Variants in PDGFD observed in about 807,000 individuals in gnomAD.
PDGFD encodes platelet derived growth factor D.
In PDGFD, 30 loss-of-function variants were observed where a neutral mutation model predicts 44.7. The observed-to-expected ratio is 0.67, with a 90% CI of 0.50 to 0.91. The LOEUF (loss-of-function observed/expected upper bound fraction) is 0.91. Among genes scored for constraint, PDGFD ranks in the 40% least tolerant of loss-of-function variants. The probability of loss-of-function intolerance (pLI) is 0.00; values close to 1 mark genes in which losing one functional copy is unlikely to be tolerated. For missense variants in PDGFD, 445 were observed against 457.8 expected (o/e 0.97, Z 0.25); for synonymous variants, 173 against 168.4 (o/e 1.03, Z -0.21).
At chr11:103,947,533 A>C (rs1467491699) in intron 4 of PDGFD, 129 bp downstream of exon 4, 1 of 705,090 alleles carries the variant, frequency 1.4e-6, no homozygotes, top group Non-Finnish European at 2.6e-6. Context: ...GAAATGGAGA[A>C]ACACATCCTG....
chr11:104,076,424 G>C (rs1002536981), intron 1 of PDGFD, among the ~76,000 whole-genome samples: 1 of 152,170 alleles, frequency 6.6e-6, no homozygotes, highest in Non-Finnish European at 1.5e-5. Flanking sequence ...TTAGAGGACA[G>C]AGTAGTGTTT....
intron 6 of PDGFD, among the ~76,000 whole-genome samples, chr11:103,919,065 A>G (rs513962): frequency 0.87 from 131,774 of 152,174 alleles, 57,363 homozygotes; most frequent in East Asian, 1. Context: ...GGCAACCAGC[A>G]TTTCTTAACA....
At chr11:103,987,515 C>G (rs946827937) in intron 3 of PDGFD, among the ~76,000 whole-genome samples, 6 of 152,144 alleles carry the variant, frequency 3.9e-5, no homozygotes, top group Non-Finnish European at 7.3e-5. Flanking sequence ...ACCTTGAGCC[C>G]TCCCAAGCAT....
At chr11:103,934,441 C>T (rs922163100) in intron 5 of PDGFD, among the ~76,000 whole-genome samples, 2 of 152,182 alleles carry the variant, frequency 1.3e-5, no homozygotes, top group Non-Finnish European at 2.9e-5. Flanking sequence ...GATCAGGTGT[C>T]TTCAGTTTGA....
intron 5 of PDGFD, among the ~76,000 whole-genome samples, chr11:103,931,364 T>C (rs779535037): frequency 6.6e-6 from 1 of 152,194 alleles, no homozygotes; most frequent in Non-Finnish European, 1.5e-5. Flanking sequence ...GTTCTCCACA[T>C]GCACAATAAT....
chr11:104,119,976 T>A (rs1861748028), intron 1 of PDGFD, among the ~76,000 whole-genome samples: 1 of 141,846 alleles, frequency 7.0e-6, no homozygotes, highest in African/African-American at 2.6e-5. Context: ...TATTACATAG[T>A]ATCATAATTA....
intron 1 of PDGFD, among the ~76,000 whole-genome samples, chr11:104,010,514 C>G (rs113351014): frequency 6.6e-6 from 1 of 151,966 alleles, no homozygotes. Context: ...CATTAGTGAG[C>G]GATCATATTC....
At chr11:104,032,545 T>C (rs575021389) in intron 1 of PDGFD, among the ~76,000 whole-genome samples, 1 of 151,712 alleles carries the variant, frequency 6.6e-6, no homozygotes, top group South Asian at 2.1e-4. Context: ...AGGTATTCTA[T>C]TTTTTTTCAC....
intron 5 of PDGFD, among the ~76,000 whole-genome samples, chr11:103,936,575 G>C (rs954474016): frequency 2.6e-5 from 4 of 152,098 alleles, no homozygotes; most frequent in Non-Finnish European, 4.4e-5. Context: ...TCTTATGCTA[G>C]TTATTTACCT....
At chr11:104,010,203 T>C (rs1195034195) in intron 1 of PDGFD, among the ~76,000 whole-genome samples, 1 of 152,002 alleles carries the variant, frequency 6.6e-6, no homozygotes, top group Non-Finnish European at 1.5e-5. Context: ...TTTTTAAACA[T>C]TAGAGCTCTT....
chr11:104,116,714 C>T (rs1861644731), intron 1 of PDGFD, among the ~76,000 whole-genome samples: 3 of 152,122 alleles, frequency 2.0e-5, no homozygotes, highest in Middle Eastern at 6.8e-3. Flanking sequence ...ACCCAAATCT[C>T]AACTTCTAGA....
chr11:104,090,752 A>AAT (rs10685246), intron 1 of PDGFD, among the ~76,000 whole-genome samples: 152,141 of 152,280 alleles, frequency 1, 76,001 homozygotes, highest in Middle Eastern at 1. Flanking sequence ...GCAATAGAGA[A>AAT]ATAGCAAAAT....
At chr11:103,967,253 C>T (rs1161561689) in intron 3 of PDGFD, among the ~76,000 whole-genome samples, 1 of 152,150 alleles carries the variant, frequency 6.6e-6, no homozygotes, top group East Asian at 1.9e-4. Context: ...AAGTCCTGGT[C>T]ATTTCCCCAC....
At chr11:103,927,984 A>G (rs939006293) in intron 5 of PDGFD, among the ~76,000 whole-genome samples, 3 of 152,232 alleles carry the variant, frequency 2.0e-5, no homozygotes, top group Non-Finnish European at 1.5e-5. Context: ...CAAATGGACA[A>G]AATTTAAAAA....
intron 1 of PDGFD, among the ~76,000 whole-genome samples, chr11:104,100,887 G>T (rs999506646): frequency 1.3e-5 from 2 of 152,158 alleles, no homozygotes; most frequent in African/African-American, 2.4e-5. Context: ...AAAGGCCTTT[G>T]ACAAAATTTT....
intron 3 of PDGFD, among the ~76,000 whole-genome samples, chr11:103,986,244 G>A (rs2134355595): frequency 6.6e-6 from 1 of 152,238 alleles, no homozygotes; most frequent in Non-Finnish European, 1.5e-5. Flanking sequence ...TGAAGTTCAT[G>A]GGATCTTTAA....
chr11:104,119,741 A>C (rs1321022837), intron 1 of PDGFD, among the ~76,000 whole-genome samples: 1 of 108,008 alleles, frequency 9.3e-6, no homozygotes, highest in African/African-American at 3.9e-5. Flanking sequence ...TAATAGAAAT[A>C]TATATTATAT....
At chr11:103,942,004 C>G (rs1858591689) in intron 5 of PDGFD, among the ~76,000 whole-genome samples, 2 of 152,078 alleles carry the variant, frequency 1.3e-5, no homozygotes. Flanking sequence ...CTATAGTGAT[C>G]TGCACATGGC....
intron 1 of PDGFD, among the ~76,000 whole-genome samples, chr11:104,134,037 G>C (rs1861964456): frequency 1.3e-5 from 2 of 152,156 alleles, no homozygotes; most frequent in Admixed American, 1.3e-4. Context: ...ATGCATTTTA[G>C]TAGCATTAAT....
Sources: allele counts gnomAD v4.1 joint callset (sites outside exome capture counted in the v4.1 genomes callset), GRCh38; gene constraint gnomAD v4.1.1; transcripts MANE v1.5; gene names NCBI Gene and HGNC (gene_info 2026-07-23, HGNC 2026-07-21).